Variants in ZNF787 observed in about 807,000 individuals in gnomAD.
ZNF787 encodes zinc finger protein 787.
Under a neutral mutation model 16.9 loss-of-function variants are expected in ZNF787, and 7 were observed. The ratio of observed to expected loss-of-function variants is 0.42; its 90% confidence interval spans 0.24 to 0.78. ZNF787 has a LOEUF of 0.78. Ranked by LOEUF, ZNF787 falls within the 30% of genes least tolerant of loss-of-function variation. ZNF787 has a pLI of 0.30. For missense variants in ZNF787, 551 were observed against 589.3 expected, an observed-to-expected ratio of 0.94 and a Z score of 0.67; for synonymous variants, 345 against 270.9, an observed-to-expected ratio of 1.27 and a Z score of -2.69.
rs10418700 is a variant in ZNF787 at position 56,121,214 on chromosome 19, C to G, written c.-53G>C. ...CGCCGCGCCGCACTCCTCCTCCTCT[C>G]TCCTGCCTCGCGGATGGTGGCAGCG... On this transcript the variant is annotated 5_prime_UTR_variant, in exon 1 of 3. Coordinates refer to ENST00000610935, the MANE Select transcript of ZNF787 (RefSeq NM_001002836.4). 9,497 of 149,452 alleles carry G rather than the reference C, an allele frequency of 0.064. 939 individuals carry two copies. Among genetic ancestry groups the G allele is most frequent in the African/African-American group, 0.21 (8,497 of 40,202 alleles). 9.3% of individuals were successfully genotyped at this position (149,452 alleles called of 1,614,324 possible).
intron 1 of ZNF787, among the ~76,000 whole-genome samples, chr19:56,111,957 G>GT (rs1344472488): frequency 6.6e-6 from 1 of 152,156 alleles, no homozygotes; most frequent in Non-Finnish European, 1.5e-5. Context: ...ACTCACCAGG[G>GT]TTAAGACGGG....
At chr19:56,089,156 C>A (rs1599936781) in intron 2 of ZNF787, 64 bp from the exon 3 acceptor site, 2 of 1,295,238 alleles carry the variant, frequency 1.5e-6, no homozygotes. Context: ...CCTGCCTTGG[C>A]TGCTACGCTG....
At chr19:56,102,648 C>T in intron 2 of ZNF787, 2 of 479,802 alleles carry the variant, frequency 4.2e-6, no homozygotes, top group Non-Finnish European at 7.4e-6. Flanking sequence ...AAGTCTGCGT[C>T]AGCCTGCGGG....
At chr19:56,114,280 C>G (rs971690486) in intron 1 of ZNF787, among the ~76,000 whole-genome samples, 2 of 152,112 alleles carry the variant, frequency 1.3e-5, no homozygotes, top group African/African-American at 4.8e-5. Context: ...CCTTAAGGAC[C>G]GGCCCCACTC....
In ZNF787 at chr19:56,088,428, C is replaced by T. The variant is rs1273994691; in HGVS notation, c.744G>A (p.Ala248=). 18 of 1,187,754 alleles carry T rather than the reference C, an allele frequency of 1.5e-5. No individual in the cohort carries two copies. Among genetic ancestry groups the T allele is most frequent in the Non-Finnish European group, 1.7e-5 (16 of 958,764 alleles). The allele number at this position is 1,187,754 out of a possible 1,614,324, so 73.6% of individuals were successfully genotyped here. A position where few individuals can be genotyped will look rare whatever the true frequency, so the allele number is the denominator to read the frequency against. The change falls in exon 3 of 3, where the codon GCG becomes GCA. Residue 248 remains alanine (A), a synonymous_variant. Coordinates refer to ENST00000610935, the MANE Select transcript of ZNF787 (RefSeq NM_001002836.4). This position sits in a 1 kb window ranked among gnomAD's most constrained non-coding sequence, Gnocchi z 8.6. ...CCGCGGCCGCGGCCCCCTCGCCCGG[C>T]GCGCCCACCACGATGATGCCCTCGC... is the stretch of plus-strand genomic sequence containing the variant. ...GDGEGIIVVG[A]PGEGAAAAAA...
chr19:56,096,001 G>A (rs1568525724), intron 2 of ZNF787, among the ~76,000 whole-genome samples: 1 of 152,134 alleles, frequency 6.6e-6, no homozygotes, highest in Non-Finnish European at 1.5e-5. Context: ...CTGTGATCCA[G>A]GGAACTTGAG....
At chr19:56,115,349 C>T (rs2030101062) in intron 1 of ZNF787, among the ~76,000 whole-genome samples, 5 of 146,578 alleles carry the variant, frequency 3.4e-5, no homozygotes, top group Admixed American at 2.7e-4. Flanking sequence ...ACGTTGATTT[C>T]GCTGCTTTTT....
rs1599936721 is a variant in ZNF787, at chr19:56,089,100, G to A, written c.80-8C>T. ...CCATGATGAGGATGTCCACTGGAAA[G>A]CAAGAGGGTAGGGGGAGGTGAGTCA... On this transcript the variant is annotated splice_polypyrimidine_tract_variant and splice_region_variant and intron_variant, in intron 2 of 2. Transcript: ENST00000610935. 2 of 1,455,312 alleles carry A rather than the reference G, an allele frequency of 1.4e-6. No individual in the cohort carries two copies. The highest frequency in any genetic ancestry group is 1.8e-6 in the Non-Finnish European group (2 of 1,106,350). 90.1% of individuals were successfully genotyped at this position (1,455,312 alleles called of 1,614,324 possible).
chr19:56,110,286 G>A (rs1056951327), intron 1 of ZNF787, among the ~76,000 whole-genome samples: 9 of 151,740 alleles, frequency 5.9e-5, no homozygotes, highest in Non-Finnish European at 1.2e-4. Flanking sequence ...CTTGAACCCC[G>A]GAGGCAGAGG....
intron 1 of ZNF787, among the ~76,000 whole-genome samples, chr19:56,118,425 C>G (rs1026976383): frequency 6.6e-6 from 1 of 152,212 alleles, no homozygotes; most frequent in Non-Finnish European, 1.5e-5. Flanking sequence ...CCTTTGTCCC[C>G]CTAGACCCCA....
At chr19:56,091,980 A>AACC (rs1985604503) in intron 2 of ZNF787, among the ~76,000 whole-genome samples, 3 of 150,798 alleles carry the variant, frequency 2.0e-5, no homozygotes, top group African/African-American at 7.3e-5. Context: ...CCAAAGCCGA[A>AACC]GGCGAAACCG....
chr19:56,103,253 G>A (rs1986175393), intron 1 of ZNF787, 26 bp from the exon 2 acceptor site: 22 of 1,523,176 alleles, frequency 1.4e-5, no homozygotes, highest in Non-Finnish European at 1.8e-5. Context: ...GAGACAGAAG[G>A]ACAGAGTTTA....
rs1039895241 is a variant in ZNF787 at position 56,114,438 on chromosome 19, C to T, written c.-11+6734G>A. On this transcript the variant is annotated intron_variant, in intron 1 of 2. Coordinates refer to ENST00000610935, the MANE Select transcript of ZNF787 (RefSeq NM_001002836.4). Reference sequence around the variant, plus strand: ...GCCAGGCCTGGTCTCTCTGAGGGGCCGGGCTCAGTCCTCCACTTGCCCCGG... The same window carrying T: ...GCCAGGCCTGGTCTCTCTGAGGGGCTGGGCTCAGTCCTCCACTTGCCCCGG... Among the ~76,000 whole-genome samples, 6 of 122,482 alleles carry T rather than the reference C, an allele frequency of 4.9e-5. No homozygotes were observed. In the East Asian group the frequency reaches 9.1e-4, roughly 19 times the overall value. The allele number at this position is 122,482 out of a possible 152,430, so 80.4% of individuals were successfully genotyped here. A position where few individuals can be genotyped will look rare whatever the true frequency, so the allele number is the denominator to read the frequency against.
chr19:56,110,967 G>A (rs928106953), intron 1 of ZNF787, among the ~76,000 whole-genome samples: 1 of 152,262 alleles, frequency 6.6e-6, no homozygotes, highest in African/African-American at 2.4e-5. Context: ...GCCTATAGAG[G>A]TGGAGGGGCT....
At chr19:56,108,228 C>T (rs2029884342) in intron 1 of ZNF787, among the ~76,000 whole-genome samples, 2 of 151,800 alleles carry the variant, frequency 1.3e-5, no homozygotes, top group African/African-American at 4.8e-5. Flanking sequence ...CCAGCCCCTG[C>T]CCAGTGCTCC....
intron 2 of ZNF787, among the ~76,000 whole-genome samples, chr19:56,093,644 C>T (rs1039814377): frequency 7.9e-5 from 12 of 152,144 alleles, no homozygotes; most frequent in Non-Finnish European, 1.2e-4. Context: ...CACAGAGGAA[C>T]GGGGTTCACA....
At chr19:56,102,841 C>G (rs1473300210) in intron 2 of ZNF787, 1 of 698,006 alleles carries the variant, frequency 1.4e-6, no homozygotes, top group East Asian at 2.7e-5. Context: ...GCACCCTCAA[C>G]AGACGGGGGT....
chr19:56,103,102 G>A (rs1453828149), intron 2 of ZNF787, 37 bp downstream of exon 2: 3 of 1,606,848 alleles, frequency 1.9e-6, no homozygotes, highest in East Asian at 2.2e-5. Flanking sequence ...CAGGTGGGAG[G>A]CAGCGGGGTC....
At chr19:56,116,571 C>A (rs2030144365) in intron 1 of ZNF787, among the ~76,000 whole-genome samples, 1 of 152,016 alleles carries the variant, frequency 6.6e-6, no homozygotes, top group South Asian at 2.1e-4. Context: ...AAAATATATA[C>A]ATATATGAAA....
Sources: gnomAD v4.1 joint callset for allele counts (sites outside exome capture counted in the v4.1 genomes callset) on GRCh38, gnomAD v4.1.1 for gene constraint, Gnocchi (gnomAD v3.1) non-coding constraint, MANE v1.5 for transcripts, NCBI Gene and HGNC (gene_info 2026-07-23, HGNC 2026-07-21) for gene names.